Variants in TMEM163 observed in about 807,000 individuals in gnomAD.
TMEM163 encodes transmembrane protein 163.
TMEM163 carries 17 observed loss-of-function variants against 29.3 expected under a neutral mutation model. The ratio of observed to expected loss-of-function variants is 0.58; its 90% CI spans 0.40 to 0.87. TMEM163 has a LOEUF of 0.87. TMEM163 is among the 40% of genes least tolerant of loss of function. The pLI is 0.00. For synonymous variants in TMEM163, 157 were observed against 160.6 expected (o/e 0.98, Z 0.17); for missense variants, 303 against 381.5 (o/e 0.79, Z 1.71).
chr2:134,697,238 G>A (rs1229404058), intron 2 of TMEM163, among the ~76,000 whole-genome samples: 1 of 152,082 alleles, frequency 6.6e-6, no homozygotes, highest in East Asian at 1.9e-4. Flanking sequence ...ACTATACTGG[G>A]TAGGACATCA....
At chr2:134,606,893 G>A (rs1558962308) in intron 2 of TMEM163, among the ~76,000 whole-genome samples, 1 of 152,252 alleles carries the variant, frequency 6.6e-6, no homozygotes, top group Non-Finnish European at 1.5e-5. Flanking sequence ...ACAGGCTCGG[G>A]TGTGGCGCAG....
At position 134,491,247 on chromosome 2, in the gene TMEM163, C is replaced by T. The variant is rs111334617; in HGVS notation, c.555+11654G>A. On this transcript the variant is annotated intron_variant, in intron 5 of 7. Coordinates refer to ENST00000281924, the MANE Select transcript of TMEM163 (RefSeq NM_030923.5). The stretch of plus-strand genomic sequence containing the variant: ...CCTGAATACACAGATGCCTCTAGAG[C>T]AGGCTGGGGGCTGGAGAGATGAGCG... Among the ~76,000 whole-genome samples, 20 of 152,308 alleles carry T rather than the reference C, an allele frequency of 1.3e-4. 1 individual carries two copies. Among genetic ancestry groups the T allele is most frequent in the Admixed American group, 5.2e-4 (8 of 15,304 alleles).
At chr2:134,501,627 G>A (rs1679699171) in intron 5 of TMEM163, among the ~76,000 whole-genome samples, 1 of 152,148 alleles carries the variant, frequency 6.6e-6, no homozygotes, top group African/African-American at 2.4e-5. Context: ...CTTACCTAAG[G>A]TTCAGATTCT....
At position 134,488,811 on chromosome 2, in the gene TMEM163, AAACAT is replaced by A. The variant is rs1279388775; in HGVS notation, c.555+14085_555+14089del. Among the ~76,000 whole-genome samples, 8 of 152,360 alleles carry A rather than the reference AAACAT, an allele frequency of 5.3e-5. 1 individual carries two copies. The highest frequency in any genetic ancestry group is 1.9e-4 in the African/African-American group (8 of 41,588). On this transcript the variant is annotated intron_variant, in intron 5 of 7. Transcript: ENST00000281924. ...AAAGATAACAATAGATAAATGGGCA[AAACAT>A]ATAAAGCAGCAATTTATAAAAGAGG...
intron 5 of TMEM163, among the ~76,000 whole-genome samples, chr2:134,489,427 A>T (rs1008570551): frequency 6.6e-6 from 1 of 151,908 alleles, no homozygotes; most frequent in Non-Finnish European, 1.5e-5. Flanking sequence ...AAAACACCAA[A>T]ATTAGCCAGG....
At chr2:134,604,404 G>C (rs895366083) in intron 2 of TMEM163, among the ~76,000 whole-genome samples, 1 of 149,996 alleles carries the variant, frequency 6.7e-6, no homozygotes, top group Non-Finnish European at 1.5e-5. Context: ...AACCAAGTTT[G>C]AGAACTTGAG....
intron 2 of TMEM163, among the ~76,000 whole-genome samples, chr2:134,600,518 C>T (rs1209837281): frequency 6.6e-6 from 1 of 152,184 alleles, no homozygotes; most frequent in Non-Finnish European, 1.5e-5. Context: ...GCCTGATTCC[C>T]TTTAAGACTT....
intron 5 of TMEM163, among the ~76,000 whole-genome samples, chr2:134,495,092 G>A (rs1279243846): frequency 1.3e-5 from 2 of 152,224 alleles, no homozygotes; most frequent in Non-Finnish European, 2.9e-5. Flanking sequence ...AATTGAACTT[G>A]GATGTGTCAA....
chr2:134,542,017 T>C (rs1680684754), intron 4 of TMEM163, among the ~76,000 whole-genome samples: 1 of 152,218 alleles, frequency 6.6e-6, no homozygotes, highest in Admixed American at 6.5e-5. Context: ...AATCTTTTTA[T>C]CCCCTCACTA....
rs576258281 is a variant in TMEM163 at position 134,471,402 on chromosome 2, CCACATGAGGA to C, written c.556-5187_556-5178del. On this transcript the variant is annotated intron_variant, in intron 5 of 7. Transcript: ENST00000281924. ...ACCACCGACGTGCACCAAGGAAAGG[CCACATGAGGA>C]CACATGAGGACACAGTGAGAAGGCA... is the stretch of plus-strand genomic sequence containing the variant. Among the ~76,000 whole-genome samples the C allele has an allele frequency of 1.4e-4, 22 of 152,254 alleles. No homozygotes were observed. In the East Asian group the frequency reaches 1.9e-3, roughly 13 times the overall value.
chr2:134,624,570 A>G (rs1682808523), intron 2 of TMEM163, among the ~76,000 whole-genome samples: 1 of 152,168 alleles, frequency 6.6e-6, no homozygotes, highest in Non-Finnish European at 1.5e-5. Flanking sequence ...TTACCTATGG[A>G]ACAAACCTGC....
At chr2:134,551,708 C>T (rs1301859775) in intron 3 of TMEM163, among the ~76,000 whole-genome samples, 2 of 152,198 alleles carry the variant, frequency 1.3e-5, no homozygotes, top group African/African-American at 4.8e-5. Context: ...TCACTCGCAG[C>T]ACATCTGCCT....
chr2:134,492,728 G>A (rs1679457242), intron 5 of TMEM163, among the ~76,000 whole-genome samples: 2 of 152,072 alleles, frequency 1.3e-5, no homozygotes, highest in East Asian at 1.9e-4. Context: ...AATGCACCAC[G>A]ATTTCTTTAT....
chr2:134,549,096 A>C (rs970233282), intron 4 of TMEM163, among the ~76,000 whole-genome samples: 3 of 126,416 alleles, frequency 2.4e-5, no homozygotes, highest in Non-Finnish European at 4.7e-5. Context: ...TTTGATTCTT[A>C]ATTTGTTAAA....
chr2:134,461,000 C>T lies in TMEM163; in HGVS notation c.668-2827G>A, dbSNP rs1318189697. ...GGACTAGGGACCGAGTCAGTGGCCA[C>T]CTGCCACTTTGCTCCAAATGTCAGG... On this transcript the variant is annotated intron_variant, in intron 6 of 7. Coordinates refer to ENST00000281924, the MANE Select transcript of TMEM163 (RefSeq NM_030923.5). This position sits in a 1 kb window ranked among gnomAD's most constrained non-coding sequence, Gnocchi z 4.3. Among the ~76,000 whole-genome samples the T allele has an allele frequency of 6.6e-6, 1 of 152,224 alleles. No individual in the cohort carries two copies. The highest frequency in any genetic ancestry group is 1.5e-5 in the Non-Finnish European group (1 of 68,040).
chr2:134,521,903 A>G (rs911017415), intron 4 of TMEM163, among the ~76,000 whole-genome samples: 25 of 152,312 alleles, frequency 1.6e-4, no homozygotes, highest in African/African-American at 6.0e-4. Context: ...GAGAAGACAG[A>G]TATTTAAGCA....
intron 2 of TMEM163, among the ~76,000 whole-genome samples, chr2:134,668,633 A>T (rs931738075): frequency 2.2e-4 from 34 of 151,950 alleles, no homozygotes; most frequent in Non-Finnish European, 4.4e-4. Context: ...CTCAAAAAAA[A>T]AAAAAAGAAA....
At chr2:134,684,704 T>C (rs946473380) in intron 2 of TMEM163, among the ~76,000 whole-genome samples, 1 of 151,902 alleles carries the variant, frequency 6.6e-6, no homozygotes, top group African/African-American at 2.4e-5. Flanking sequence ...GGCAGGTGGA[T>C]CATGAGGTCA....
rs59495227 is a variant in TMEM163, at chr2:134,670,416, G to T, written c.322+42784C>A. On this transcript the variant is annotated intron_variant, in intron 2 of 7. Transcript: ENST00000281924. ...TGCTTCCAAAGGGCAGACCCCACGT[G>T]GGGGAACACTGGCAGGGCTGGGCAA... Among the ~76,000 whole-genome samples the T allele has an allele frequency of 2.6e-5, 4 of 152,122 alleles. 1 individual carries two copies. The highest frequency in any genetic ancestry group is 6.3e-3 in the Middle Eastern group (2 of 316).
Sources: gnomAD v4.1 joint callset for allele counts (sites outside exome capture counted in the v4.1 genomes callset) on GRCh38, gnomAD v4.1.1 for gene constraint, Gnocchi (gnomAD v3.1) non-coding constraint, MANE v1.5 for transcripts, NCBI Gene and HGNC (gene_info 2026-07-23, HGNC 2026-07-21) for gene names.